Variants in ACSM1 observed in about 807,000 individuals in gnomAD.
ACSM1 encodes acyl-CoA synthetase medium chain family member 1, also known as acyl-coenzyme A synthetase ACSM1, mitochondrial.
Under a neutral mutation model 75.8 loss-of-function variants are expected in ACSM1, and 79 were observed. The observed-to-expected ratio is 1.04, with a 90% CI of 0.87 to 1.26. The LOEUF (loss-of-function observed/expected upper bound fraction) is 1.26, where lower values mean the gene tolerates loss of function less well. Among genes scored for constraint, ACSM1 ranks in the 50% most tolerant of loss-of-function variants. ACSM1 has a pLI of 0.00. For missense variants in ACSM1, 676 were observed against 720.1 expected (o/e 0.94, Z 0.70); for synonymous variants, 279 against 265.8 (o/e 1.05, Z -0.48).
intron 4 of ACSM1, among the ~76,000 whole-genome samples, chr16:20,673,456 A>G (rs1036767776): frequency 3.9e-5 from 6 of 152,200 alleles, no homozygotes; most frequent in African/African-American, 1.2e-4. Flanking sequence ...ACTTTGCTGT[A>G]ATGTTTGCCT....
At chr16:20,643,475 T>G (rs1005288002) in intron 7 of ACSM1, among the ~76,000 whole-genome samples, 1 of 152,144 alleles carries the variant, frequency 6.6e-6, no homozygotes. Flanking sequence ...TTAAAAGTGG[T>G]GTGTCCAGAG....
chr16:20,645,726 A>G (rs186032053), intron 7 of ACSM1, among the ~76,000 whole-genome samples: 3 of 152,352 alleles, frequency 2.0e-5, no homozygotes, highest in Non-Finnish European at 4.4e-5. Flanking sequence ...TTCCCAGTGT[A>G]GACCCTCATT....
chr16:20,662,067 G>A (rs140011050), intron 6 of ACSM1, among the ~76,000 whole-genome samples, 194 bp from the exon 7 acceptor site: 3 of 152,234 alleles, frequency 2.0e-5, no homozygotes, highest in African/African-American at 7.2e-5. Context: ...ATACAAAAAC[G>A]CAGATAACGT....
At chr16:20,629,570 CT>C (rs2017208306) in intron 10 of ACSM1, among the ~76,000 whole-genome samples, 1 of 152,152 alleles carries the variant, frequency 6.6e-6, no homozygotes, top group African/African-American at 2.4e-5. Flanking sequence ...GGTAGAAGTC[CT>C]TCCTTATCAG....
rs140739677 is a variant in ACSM1 at position 20,661,831 on chromosome 16, A to G, written c.955T>C (p.Ser319Pro). The G allele has an allele frequency of 1.9e-5, 30 of 1,611,132 alleles. No individual in the cohort carries two copies. Among genetic ancestry groups the G allele is most frequent in the Non-Finnish European group, 2.5e-5 (30 of 1,177,932 alleles). ...YPINHFWGVSSIYRMILQQDF... is the reference protein window; with the variant it reads ...YPINHFWGVSPIYRMILQQDF... ...TGCTGCAGAATCATTCGATATATAG[A>G]TGATACCCCCCAAAAGTGGTTAATG... Residue 319 changes from serine to proline, a missense_variant, in exon 7 of 14, where the codon TCT becomes CCT. Ser to Pro is a moderately conservative substitution (Grantham distance 74). Transcript: ENST00000520010.
intron 10 of ACSM1, among the ~76,000 whole-genome samples, 163 bp from the exon 11 acceptor site, chr16:20,627,479 T>C (rs76060271): frequency 2.9e-4 from 44 of 152,332 alleles, no homozygotes; most frequent in Non-Finnish European, 5.4e-4. Context: ...TAGCGCATGA[T>C]GCATGCGACT....
At chr16:20,636,862 T>A in intron 9 of ACSM1, 22 bp from the exon 10 acceptor site, 1 of 1,591,532 alleles carries the variant, frequency 6.3e-7, no homozygotes, top group Non-Finnish European at 8.6e-7. Context: ...GGCCTGTGAA[T>A]CATACACTGC....
intron 1 of ACSM1, among the ~76,000 whole-genome samples, chr16:20,692,121 A>G (rs976914692): frequency 1.1e-4 from 16 of 152,188 alleles, no homozygotes; most frequent in Non-Finnish European, 2.2e-4. Flanking sequence ...AATATACACC[A>G]TCATCCTCAG....
At chr16:20,687,518 G>A (rs1045353679) in intron 2 of ACSM1, among the ~76,000 whole-genome samples, 3 of 152,030 alleles carry the variant, frequency 2.0e-5, no homozygotes, top group Non-Finnish European at 4.4e-5. Flanking sequence ...GAGAGAGGGG[G>A]GCTGCTTTTT....
chr16:20,673,037 A>C (rs1228171123), intron 4 of ACSM1, among the ~76,000 whole-genome samples: 1 of 145,582 alleles, frequency 6.9e-6, no homozygotes, highest in East Asian at 2.0e-4. Flanking sequence ...ATATACACTT[A>C]CATGTCATAT....
chr16:20,635,644 C>CA (rs1596803330), intron 10 of ACSM1, among the ~76,000 whole-genome samples: 1 of 70,296 alleles, frequency 1.4e-5, no homozygotes, highest in Non-Finnish European at 3.0e-5. Context: ...TTCTTTCTTT[C>CA]TTTCTTTCAT....
At position 20,655,824 on chromosome 16, in the gene ACSM1, G is replaced by C. The variant is rs2018928897; in HGVS notation, c.992+5970C>G. On this transcript the variant is annotated intron_variant, in intron 7 of 13. Coordinates refer to ENST00000520010, the MANE Select transcript of ACSM1 (RefSeq NM_001318890.3). ...ACTATAGGTAGGCACCACCACCCCTGGCTAATTTTTCTATTTTTAGTAGAC... is the reference window on the plus strand; with the variant it reads ...ACTATAGGTAGGCACCACCACCCCTCGCTAATTTTTCTATTTTTAGTAGAC... Among the ~76,000 whole-genome samples the C allele has an allele frequency of 1.3e-5, 2 of 152,048 alleles. 1 individual carries two copies. Among genetic ancestry groups the C allele is most frequent in the South Asian group, 4.2e-4 (2 of 4,812 alleles).
intron 7 of ACSM1, among the ~76,000 whole-genome samples, chr16:20,653,991 C>CT (rs2018798606): frequency 6.6e-6 from 1 of 152,176 alleles, no homozygotes; most frequent in African/African-American, 2.4e-5. Context: ...ATCGCGCTAC[C>CT]TGACTTCAAA....
chr16:20,636,532 T>C (rs1230720503), intron 10 of ACSM1, among the ~76,000 whole-genome samples: 1 of 152,224 alleles, frequency 6.6e-6, no homozygotes, highest in African/African-American at 2.4e-5. Flanking sequence ...CTGAAGCCAG[T>C]CTTCATTCTA....
Position 20,671,666 on chromosome 16 carries a change from G to A in ACSM1, c.617C>T (p.Ala206Val). The A allele has an allele frequency of 6.4e-7, 1 of 1,569,890 alleles. No homozygotes were observed. The change falls in exon 5 of 14, where the codon GCA becomes GTA. Residue 206 changes from alanine to valine, a missense_variant. Coordinates refer to ENST00000520010, the MANE Select transcript of ACSM1 (RefSeq NM_001318890.3). ...WLDFRSLVKS[A>V]SPEHTCVKSK... ...CTTAACACAGGTGTGTTCTGGGGAT[G>A]CTGATCTGCAAAGGGGTTCAAGACA...
chr16:20,694,010 C>T (rs1367727964), intron 1 of ACSM1, among the ~76,000 whole-genome samples: 4 of 152,216 alleles, frequency 2.6e-5, no homozygotes, highest in Non-Finnish European at 5.9e-5. Flanking sequence ...TCTTAGCTCC[C>T]ACAATTTAGC....
intron 7 of ACSM1, among the ~76,000 whole-genome samples, chr16:20,658,605 G>A (rs917917709): frequency 6.6e-6 from 1 of 151,682 alleles, no homozygotes; most frequent in African/African-American, 2.4e-5. Context: ...AAAAAATGAC[G>A]GTGCAGAATT....
chr16:20,669,057 T>C (rs2019729446), intron 6 of ACSM1, among the ~76,000 whole-genome samples: 1 of 152,052 alleles, frequency 6.6e-6, no homozygotes, highest in Non-Finnish European at 1.5e-5. Context: ...GGTCTGCCTC[T>C]GAGAGGGAAA....
At chr16:20,639,010 T>C (rs1005264976) in intron 8 of ACSM1, among the ~76,000 whole-genome samples, 23 of 152,236 alleles carry the variant, frequency 1.5e-4, no homozygotes, top group Non-Finnish European at 2.9e-4. Context: ...AATTGCTATA[T>C]ATTTTTTACA....
Sources: gnomAD v4.1 joint callset for allele counts (sites outside exome capture counted in the v4.1 genomes callset) on GRCh38, gnomAD v4.1.1 for gene constraint, MANE v1.5 for transcripts, NCBI Gene and HGNC (gene_info 2026-07-23, HGNC 2026-07-21) for gene names.